Variants in EMCN observed in about 807,000 individuals in gnomAD.
EMCN encodes MUC-14.
EMCN carries 37 observed loss-of-function variants against 38.4 expected under a neutral mutation model. The observed-to-expected ratio is 0.96, with a 90% confidence interval of 0.74 to 1.27. EMCN has a LOEUF of 1.27. EMCN is among the 50% of genes most tolerant of loss of function. The pLI is 0.00. For synonymous variants in EMCN, 95 were observed against 100.8 expected, an observed-to-expected ratio of 0.94 and a Z score of 0.35; for missense variants, 318 against 302.8, an observed-to-expected ratio of 1.05 and a Z score of -0.37.
At chr4:100,416,769 C>T (rs559335437) in intron 9 of EMCN, among the ~76,000 whole-genome samples, 1 of 152,220 alleles carries the variant, frequency 6.6e-6, no homozygotes, top group East Asian at 1.9e-4. Context: ...TGAGAACTGG[C>T]TCAAGGTAGA....
intron 3 of EMCN, among the ~76,000 whole-genome samples, chr4:100,466,510 AAT>A (rs1311103179): frequency 1.3e-5 from 2 of 152,260 alleles, no homozygotes; most frequent in Non-Finnish European, 2.9e-5. Flanking sequence ...ACAGTAGATA[AAT>A]ACATTTTCCT....
chr4:100,502,303 T>C (rs1456035255), intron 1 of EMCN, among the ~76,000 whole-genome samples: 2 of 152,216 alleles, frequency 1.3e-5, no homozygotes, highest in Non-Finnish European at 2.9e-5. Flanking sequence ...AACCTCCATG[T>C]TGAATATACC....
chr4:100,513,766 G>A (rs1005124996), intron 1 of EMCN, among the ~76,000 whole-genome samples: 3 of 152,080 alleles, frequency 2.0e-5, no homozygotes, highest in African/African-American at 4.8e-5. Context: ...AAACTATTAG[G>A]TGATTGTCAT....
intron 1 of EMCN, among the ~76,000 whole-genome samples, chr4:100,484,683 T>C (rs1040065202): frequency 1.3e-5 from 2 of 152,150 alleles, no homozygotes; most frequent in Non-Finnish European, 2.9e-5. Context: ...CTAAAGAAAG[T>C]AGATCTGGCT....
At chr4:100,514,003 C>G (rs557901756) in intron 1 of EMCN, among the ~76,000 whole-genome samples, 2 of 151,964 alleles carry the variant, frequency 1.3e-5, no homozygotes, top group Non-Finnish European at 2.9e-5. Flanking sequence ...GTTAGATATA[C>G]GGGCATCCAG....
chr4:100,481,999 G>T (rs1379740005), intron 1 of EMCN, among the ~76,000 whole-genome samples: 1 of 148,916 alleles, frequency 6.7e-6, no homozygotes, highest in African/African-American at 2.5e-5. Context: ...AACTACTTAT[G>T]TAAAAATCAT....
intron 5 of EMCN, among the ~76,000 whole-genome samples, chr4:100,433,571 T>C (rs1727263542): frequency 6.6e-6 from 1 of 152,084 alleles, no homozygotes; most frequent in Non-Finnish European, 1.5e-5. Context: ...AGTCTCACTC[T>C]GTCATCCAGG....
intron 3 of EMCN, among the ~76,000 whole-genome samples, chr4:100,472,049 A>C (rs1728493123): frequency 6.6e-6 from 1 of 151,976 alleles, no homozygotes; most frequent in African/African-American, 2.4e-5. Context: ...CACAACTTCT[A>C]CTCAACCTTG....
chr4:100,433,419 C>A lies in EMCN; in HGVS notation c.416-10015G>T, dbSNP rs185066599. The stretch of plus-strand genomic sequence containing the variant: ...GTCATGAAAATGGGAGTCCACATAT[C>A]CTTATGTGGTGGTAATTTCATATCC... On this transcript the variant is annotated intron_variant, in intron 5 of 11. Coordinates refer to ENST00000296420, the MANE Select transcript of EMCN (RefSeq NM_016242.4). 3.7e-4 allele frequency among the ~76,000 whole-genome samples: 56 copies of A among 152,212 alleles called. No individual in the cohort carries two copies. In the East Asian group the frequency reaches 0.01, roughly 28 times the overall value.
chr4:100,454,396 G>A (rs1490480914), intron 4 of EMCN, among the ~76,000 whole-genome samples: 3 of 151,890 alleles, frequency 2.0e-5, no homozygotes, highest in East Asian at 1.9e-4. Flanking sequence ...GACAACCAAC[G>A]TAGCTCTGCA....
At chr4:100,456,783 T>A (rs1728028940) in intron 4 of EMCN, among the ~76,000 whole-genome samples, 1 of 152,212 alleles carries the variant, frequency 6.6e-6, no homozygotes, top group South Asian at 2.1e-4. Context: ...GTTCACTTTC[T>A]GTAGTTGAGA....
chr4:100,462,564 T>C (rs1208836502), intron 4 of EMCN, among the ~76,000 whole-genome samples: 2 of 152,180 alleles, frequency 1.3e-5, no homozygotes, highest in Admixed American at 6.6e-5. Flanking sequence ...CTATACACTT[T>C]GCAGATATAT....
At chr4:100,502,353 G>C (rs112745404) in intron 1 of EMCN, among the ~76,000 whole-genome samples, 8 of 151,898 alleles carry the variant, frequency 5.3e-5, no homozygotes, top group African/African-American at 1.9e-4. Context: ...ACAATTGCAG[G>C]CATTTACCTA....
chr4:100,491,493 C>T (rs1729074246), intron 1 of EMCN, among the ~76,000 whole-genome samples: 1 of 152,144 alleles, frequency 6.6e-6, no homozygotes. Context: ...TAAAAGCCCC[C>T]CTGCCTCAAG....
intron 4 of EMCN, among the ~76,000 whole-genome samples, chr4:100,457,250 T>C (rs185967854): frequency 6.6e-6 from 1 of 151,916 alleles, no homozygotes; most frequent in Non-Finnish European, 1.5e-5. Flanking sequence ...GATCATGTCA[T>C]CTGAGAACAG....
Position 100,475,658 on chromosome 4 carries a change from C to CATTTT in EMCN, c.188-550_188-549insAAAAT, listed in dbSNP as rs1728617733. Among the ~76,000 whole-genome samples the CATTTT allele has an allele frequency of 1.1e-4, 12 of 108,092 alleles. 4 individuals are homozygous for CATTTT. Among genetic ancestry groups the CATTTT allele is most frequent in the South Asian group, 3.0e-4 (1 of 3,320 alleles). The allele number at this position is 108,092 out of a possible 152,430, so 70.9% of individuals were successfully genotyped here. A position where few individuals can be genotyped will look rare whatever the true frequency, so the allele number is the denominator to read the frequency against. The stretch of plus-strand genomic sequence containing the variant: ...CTTGAGGGCAGTATCCAATTCTAGT[C>CATTTT]CTTTTTTTTTTTTTTTTTTTTTTTT... On this transcript the variant is annotated intron_variant, in intron 2 of 11. Transcript: ENST00000296420.
At chr4:100,448,826 C>CCTTCCTTCTTTCCTTCCTT (rs1179151604) in intron 4 of EMCN, among the ~76,000 whole-genome samples, 2 of 139,324 alleles carry the variant, frequency 1.4e-5, no homozygotes, top group African/African-American at 5.6e-5. Flanking sequence ...CTTCCTTCCT[C>CCTTCCTTCTTTCCTTCCTT]CCTCCCTCCC....
At chr4:100,504,369 T>C (rs1729425107) in intron 1 of EMCN, among the ~76,000 whole-genome samples, 1 of 152,196 alleles carries the variant, frequency 6.6e-6, no homozygotes, top group Admixed American at 6.5e-5. Flanking sequence ...CGGCAAGCCA[T>C]CCAGGCGCTG....
At chr4:100,462,532 G>A (rs1248011586) in intron 4 of EMCN, among the ~76,000 whole-genome samples, 1 of 152,090 alleles carries the variant, frequency 6.6e-6, no homozygotes, top group Non-Finnish European at 1.5e-5. Context: ...CAAATTATTT[G>A]AGTCTAATTT....
Sources: allele counts gnomAD v4.1 joint callset (sites outside exome capture counted in the v4.1 genomes callset), GRCh38; gene constraint gnomAD v4.1.1; transcripts MANE v1.5; gene names NCBI Gene and HGNC (gene_info 2026-07-23, HGNC 2026-07-21).